The following PCDHA9 variants were observed in gnomAD, a reference collection of about 807,000 sequenced individuals.
PCDHA9 encodes the protein protocadherin alpha 9, also known as protocadherin alpha-9.
A neutral mutation model predicts 62.0 loss-of-function variants in PCDHA9; 62 were observed. The observed-to-expected ratio is 1.00, with a 90% confidence interval of 0.81 to 1.23. The LOEUF is 1.23. PCDHA9 is among the 50% of genes most tolerant of loss of function. The pLI, the probability that PCDHA9 is intolerant of heterozygous loss-of-function variation, is 0.00. For missense variants in PCDHA9, 1,205 were observed against 1,249.8 expected (o/e 0.96, Z 0.54); for synonymous variants, 557 against 567.6 (o/e 0.98, Z 0.27).
intron 1 of PCDHA9, among the ~76,000 whole-genome samples, chr5:140,938,918 A>T (rs2092265154): frequency 6.6e-6 from 1 of 152,006 alleles, no homozygotes; most frequent in Non-Finnish European, 1.5e-5. Flanking sequence ...CACGCACAAG[A>T]AATTGGCTTT....
At chr5:140,992,201 CAG>C (rs1587495213) in intron 3 of PCDHA9, among the ~76,000 whole-genome samples, 1 of 152,256 alleles carries the variant, frequency 6.6e-6, no homozygotes, top group East Asian at 1.9e-4. Context: ...TCTATCCAAT[CAG>C]ATAAACTACT....
Position 140,882,762 on chromosome 5 carries a change from A to G in PCDHA9, c.2394+31873A>G, listed in dbSNP as rs2059298878. 1.9e-6 allele frequency: 3 copies of G among 1,614,200 alleles called. No individual in the cohort carries two copies. The East Asian group carries it at 6.7e-5, about 36-fold the overall frequency. On this transcript the variant is annotated intron_variant, in intron 1 of 3. Transcript: ENST00000532602. ...GCATCCGATGCAGATATTGGAGTAA[A>G]CTCGGCATTGACCTACCGACTGGAT... is the stretch of plus-strand genomic sequence containing the variant.
intron 1 of PCDHA9, among the ~76,000 whole-genome samples, chr5:140,933,323 T>C (rs935740276): frequency 6.6e-6 from 1 of 152,016 alleles, no homozygotes; most frequent in Admixed American, 6.6e-5. Flanking sequence ...CGTATTCTCC[T>C]GTGCTGTAGA....
At chr5:140,969,661 G>A (rs2096351521) in intron 1 of PCDHA9, among the ~76,000 whole-genome samples, 2 of 152,166 alleles carry the variant, frequency 1.3e-5, no homozygotes, top group Non-Finnish European at 2.9e-5. Context: ...GTTTTAGGGA[G>A]TAATGTTATG....
chr5:141,008,400 T>A (rs1347375750), intron 3 of PCDHA9, among the ~76,000 whole-genome samples: 3 of 152,082 alleles, frequency 2.0e-5, no homozygotes, highest in African/African-American at 7.2e-5. Context: ...GATGTCAGAG[T>A]TCCAATGTCA....
chr5:140,975,201 A>G (rs1253516142), intron 1 of PCDHA9, among the ~76,000 whole-genome samples: 1 of 152,144 alleles, frequency 6.6e-6, no homozygotes, highest in Non-Finnish European at 1.5e-5. Context: ...CTCCATCTTC[A>G]TGGCTGGCAC....
chr5:140,902,142 A>T (rs2069127125), intron 1 of PCDHA9, among the ~76,000 whole-genome samples: 1 of 151,120 alleles, frequency 6.6e-6, no homozygotes, highest in African/African-American at 2.4e-5. Flanking sequence ...GCAAACAAGG[A>T]TAATTTGATT....
chr5:140,900,227 G>C (rs1425549345), intron 1 of PCDHA9, among the ~76,000 whole-genome samples: 1 of 152,038 alleles, frequency 6.6e-6, no homozygotes, highest in Admixed American at 6.6e-5. Flanking sequence ...CAAATGACTG[G>C]ATCTTGTTTT....
At chr5:140,863,748 C>T (rs1221413981) in intron 1 of PCDHA9, 2 of 241,286 alleles carry the variant, frequency 8.3e-6, no homozygotes, top group South Asian at 5.4e-5. Flanking sequence ...TTTGTAATCC[C>T]GGCACTTTGG....
intron 1 of PCDHA9, chr5:140,927,108 C>A (rs782811125): frequency 6.2e-7 from 1 of 1,613,646 alleles, no homozygotes; most frequent in Non-Finnish European, 8.5e-7. Context: ...ATCTACCCAG[C>A]GGCAATTTGG....
At position 140,876,236 on chromosome 5, in the gene PCDHA9, T is replaced by A. The variant is rs782328225; in HGVS notation, c.2394+25347T>A. ...TATAAAGTAGTGTTGTCTGAAAATG[T>A]CCAAAACGACACAAGAGTGATCCAA... On this transcript the variant is annotated intron_variant, in intron 1 of 3. Coordinates refer to ENST00000532602, the MANE Select transcript of PCDHA9 (RefSeq NM_031857.2). The A allele has an allele frequency of 6.2e-7, 1 of 1,613,856 alleles. No homozygotes were observed. Among genetic ancestry groups the A allele is most frequent in the African/African-American group, 1.3e-5 (1 of 74,914 alleles).
At chr5:140,882,049 T>G in intron 1 of PCDHA9, 2 of 752,814 alleles carry the variant, frequency 2.7e-6, no homozygotes, top group Non-Finnish European at 4.1e-6. Context: ...TGAGTCATAC[T>G]TACACTTACA....
intron 1 of PCDHA9, among the ~76,000 whole-genome samples, chr5:140,901,931 C>G (rs2068990642): frequency 6.6e-6 from 1 of 151,430 alleles, no homozygotes; most frequent in Non-Finnish European, 1.5e-5. Context: ...TGGTTAATTC[C>G]TAGGTATATT....
chr5:140,887,803 C>T (rs2061589449), intron 1 of PCDHA9, among the ~76,000 whole-genome samples: 2 of 152,050 alleles, frequency 1.3e-5, no homozygotes, highest in Admixed American at 1.3e-4. Flanking sequence ...TTATTTTTGT[C>T]CATTTCTTTC....
At chr5:140,882,267 C>A in intron 1 of PCDHA9, 1 of 1,610,288 alleles carries the variant, frequency 6.2e-7, no homozygotes, top group Non-Finnish European at 8.5e-7. Context: ...TTGGAGTGTA[C>A]CATGCTGTCT....
intron 1 of PCDHA9, among the ~76,000 whole-genome samples, chr5:140,899,690 C>T (rs1340913543): frequency 6.6e-6 from 1 of 152,156 alleles, no homozygotes; most frequent in Non-Finnish European, 1.5e-5. Flanking sequence ...TGATGCTGGC[C>T]TCATAAAATG....
At chr5:140,986,668 A>C (rs927109652) in intron 3 of PCDHA9, among the ~76,000 whole-genome samples, 15 of 152,192 alleles carry the variant, frequency 9.9e-5, no homozygotes, top group African/African-American at 3.6e-4. Context: ...CACAGTTTTC[A>C]GAAGAGTTCA....
chr5:140,988,535 A>T (rs1426235004), intron 3 of PCDHA9, among the ~76,000 whole-genome samples: 2 of 152,164 alleles, frequency 1.3e-5, no homozygotes, highest in Non-Finnish European at 2.9e-5. Flanking sequence ...GGCTCCATCC[A>T]TTCATGACTT....
At position 140,877,134 on chromosome 5, in the gene PCDHA9, C is replaced by A. The variant is rs1339173132; in HGVS notation, c.2394+26245C>A. 17 of 1,613,712 alleles carry A rather than the reference C, an allele frequency of 1.1e-5. No homozygotes were observed. Among genetic ancestry groups the A allele is most frequent in the Admixed American group, 6.7e-5 (4 of 60,000 alleles). ...GCAGCAACGTGACGCTGCAGGTGTTCGTGCTGGACGAGAACGACAACGCGC... is the reference window on the plus strand; with the variant it reads ...GCAGCAACGTGACGCTGCAGGTGTTAGTGCTGGACGAGAACGACAACGCGC... On this transcript the variant is annotated intron_variant, in intron 1 of 3. Transcript: ENST00000532602.
Sources: allele counts gnomAD v4.1 joint callset (sites outside exome capture counted in the v4.1 genomes callset), GRCh38; gene constraint gnomAD v4.1.1; transcripts MANE v1.5; gene names NCBI Gene and HGNC (gene_info 2026-07-23, HGNC 2026-07-21).